FAM168A: variants seen among roughly 807,000 people sequenced by gnomAD.
FAM168A encodes protein FAM168A.
In FAM168A, 3 loss-of-function variants were observed where a neutral mutation model predicts 28.5. The ratio of observed to expected loss-of-function variants is 0.11; its 90% confidence interval spans 0.05 to 0.27. The LOEUF is 0.27. Among genes scored for constraint, FAM168A ranks in the 10% least tolerant of loss-of-function variants. The probability of loss-of-function intolerance (pLI) is 1.00; values close to 1 mark genes in which losing one functional copy is unlikely to be tolerated. For missense variants in FAM168A, 222 were observed against 311.5 expected (o/e 0.71, Z 2.16); for synonymous variants, 122 against 124.2 (o/e 0.98, Z 0.12).
At chr11:73,496,907 GCA>G (rs1261773386) in intron 1 of FAM168A, among the ~76,000 whole-genome samples, 15 of 116,648 alleles carry the variant, frequency 1.3e-4, no homozygotes, top group East Asian at 4.5e-4. Context: ...ACACACACAC[GCA>G]CACACACGCA....
chr11:73,435,612 A>T (rs1867072682), intron 2 of FAM168A, among the ~76,000 whole-genome samples: 1 of 151,908 alleles, frequency 6.6e-6, no homozygotes, highest in African/African-American at 2.4e-5. Flanking sequence ...TAATTACAGG[A>T]TCTCAAGCAT....
At chr11:73,519,280 A>G (rs1943346008) in intron 1 of FAM168A, among the ~76,000 whole-genome samples, 1 of 152,086 alleles carries the variant, frequency 6.6e-6, no homozygotes, top group African/African-American at 2.4e-5. Context: ...CTAGGAAGGA[A>G]CCATGAAAAA....
In FAM168A at chr11:73,464,877, T is replaced by TA. The variant is rs201596878; in HGVS notation, c.70+3527dup. ...ACCCTGTTTTATCATTTTTTTTTTT[T>TA]AAAACAAATGATAGATTGAGGCCCA... On this transcript the variant is annotated intron_variant, in intron 2 of 7. Coordinates refer to ENST00000356467, the MANE Select transcript of FAM168A (RefSeq NM_015159.3). Among the ~76,000 whole-genome samples the TA allele has an allele frequency of 2.2e-4, 34 of 151,156 alleles. 1 individual carries two copies. The highest frequency in any genetic ancestry group is 5.1e-4 in the African/African-American group (21 of 41,154).
At chr11:73,427,237 C>T (rs1866903381) in intron 3 of FAM168A, among the ~76,000 whole-genome samples, 1 of 151,946 alleles carries the variant, frequency 6.6e-6, no homozygotes, top group Admixed American at 6.6e-5. Flanking sequence ...GTGATCCACC[C>T]GCCTCGGCCT....
At chr11:73,427,529 C>A (rs745465075) in intron 3 of FAM168A, among the ~76,000 whole-genome samples, 13 of 152,120 alleles carry the variant, frequency 8.5e-5, no homozygotes, top group Non-Finnish European at 1.3e-4. Context: ...CAGTTAAGAG[C>A]TCATGCAGCA....
At chr11:73,568,326 C>T (rs1944045705) in intron 1 of FAM168A, among the ~76,000 whole-genome samples, 1 of 152,120 alleles carries the variant, frequency 6.6e-6, no homozygotes, top group South Asian at 2.1e-4. Context: ...CTACCTGATA[C>T]TCAAATCTAC....
At chr11:73,578,267 G>A (rs1944199719) in intron 1 of FAM168A, among the ~76,000 whole-genome samples, 1 of 152,096 alleles carries the variant, frequency 6.6e-6, no homozygotes, top group South Asian at 2.1e-4. Context: ...GCCGATAGGT[G>A]GTTGCTTAAA....
intron 2 of FAM168A, among the ~76,000 whole-genome samples, chr11:73,442,336 C>G (rs1867212297): frequency 1.3e-5 from 2 of 152,054 alleles, no homozygotes; most frequent in South Asian, 4.1e-4. Flanking sequence ...CCGTGTTAGC[C>G]AGGATGGTCT....
At chr11:73,466,008 G>T (rs1297203044) in intron 2 of FAM168A, among the ~76,000 whole-genome samples, 1 of 152,056 alleles carries the variant, frequency 6.6e-6, no homozygotes, top group Non-Finnish European at 1.5e-5. Flanking sequence ...CAATTGGCTA[G>T]AAGACAGCTG....
At chr11:73,519,002 AGATGCT>A (rs1943339486) in intron 1 of FAM168A, among the ~76,000 whole-genome samples, 1 of 152,200 alleles carries the variant, frequency 6.6e-6, no homozygotes, top group South Asian at 2.1e-4. Flanking sequence ...CACCAGAAGC[AGATGCT>A]GATGCCATGC....
intron 1 of FAM168A, among the ~76,000 whole-genome samples, chr11:73,580,868 T>C (rs1273982036): frequency 6.6e-6 from 1 of 152,214 alleles, no homozygotes; most frequent in Non-Finnish European, 1.5e-5. Flanking sequence ...CTCTTCTCCC[T>C]TTCTACCTTT....
At chr11:73,538,686 C>A (rs867436688) in intron 1 of FAM168A, among the ~76,000 whole-genome samples, 1 of 152,152 alleles carries the variant, frequency 6.6e-6, no homozygotes, top group Non-Finnish European at 1.5e-5. Context: ...TGTCAAAGAG[C>A]CTAAAACCTA....
chr11:73,412,733 G>C (rs1866635503), intron 4 of FAM168A, among the ~76,000 whole-genome samples: 1 of 152,160 alleles, frequency 6.6e-6, no homozygotes, highest in South Asian at 2.1e-4. Flanking sequence ...AGCCCTGCTG[G>C]GGAGGTGCTG....
intron 1 of FAM168A, among the ~76,000 whole-genome samples, chr11:73,551,431 G>A (rs1216538179): frequency 1.3e-5 from 2 of 152,144 alleles, no homozygotes; most frequent in Admixed American, 6.5e-5. Flanking sequence ...CTCTCCATTC[G>A]TCTATGCCTC....
At position 73,401,268 on chromosome 11, in the gene FAM168A, G is replaced by GAT. The variant is rs748229019; in HGVS notation, c.*5493_*5494dup. 6.6e-6 allele frequency: 1 copy of GAT among 152,200 alleles called. No homozygotes were observed. 9.4% of individuals were successfully genotyped at this position (152,200 alleles called of 1,614,324 possible). On this transcript the variant is annotated 3_prime_UTR_variant, in exon 8 of 8. Transcript: ENST00000356467. ...ATGAGAACAGGTTTCTCTGTCATGT[G>GAT]ATATGAAACAGGGAAGCAGATGCCT...
At chr11:73,496,310 G>A (rs1445260143) in intron 1 of FAM168A, among the ~76,000 whole-genome samples, 1 of 152,212 alleles carries the variant, frequency 6.6e-6, no homozygotes, top group Non-Finnish European at 1.5e-5. Context: ...TACCAAGGTG[G>A]AAGGTGAAAA....
intron 1 of FAM168A, among the ~76,000 whole-genome samples, chr11:73,528,532 G>A (rs1003550994): frequency 3.9e-5 from 6 of 152,174 alleles, no homozygotes; most frequent in African/African-American, 1.4e-4. Flanking sequence ...GAGTGGATGT[G>A]TTCCTCCTCT....
At chr11:73,509,659 G>T (rs747053691) in intron 1 of FAM168A, among the ~76,000 whole-genome samples, 1 of 152,150 alleles carries the variant, frequency 6.6e-6, no homozygotes, top group African/African-American at 2.4e-5. Flanking sequence ...GGTATTAATA[G>T]AAATAAAAAT....
intron 1 of FAM168A, among the ~76,000 whole-genome samples, chr11:73,480,396 C>CT (rs909001692): frequency 1.7e-3 from 215 of 129,626 alleles, no homozygotes; most frequent in Admixed American, 6.0e-3. Context: ...CTCTCTCTCT[C>CT]TTTTTTTTTT....
Sources: gnomAD v4.1 joint callset for allele counts (sites outside exome capture counted in the v4.1 genomes callset) on GRCh38, gnomAD v4.1.1 for gene constraint, MANE v1.5 for transcripts, NCBI Gene and HGNC (gene_info 2026-07-23, HGNC 2026-07-21) for gene names.